The following FAM227B variants were observed in gnomAD, a reference collection of about 807,000 sequenced individuals.
The protein encoded by FAM227B is protein FAM227B.
A neutral mutation model predicts 73.8 loss-of-function variants in FAM227B; 88 were observed. That is an observed-to-expected ratio of 1.19 (90% CI 1.00 to 1.42). FAM227B has a LOEUF of 1.42. Among genes scored for constraint, FAM227B ranks in the 40% most tolerant of loss-of-function variants. FAM227B has a pLI of 0.00. For missense variants in FAM227B, 632 were observed against 590.9 expected (o/e 1.07, Z -0.72); for synonymous variants, 210 against 190.5 (o/e 1.10, Z -0.84).
chr15:49,376,388 A>C (rs2046164972), intron 11 of FAM227B, among the ~76,000 whole-genome samples: 2 of 152,108 alleles, frequency 1.3e-5, no homozygotes, highest in African/African-American at 4.8e-5. Context: ...TTCTTTTTAC[A>C]TTGAATGGTC....
At chr15:49,550,230 T>G (rs1184080101) in intron 9 of FAM227B, among the ~76,000 whole-genome samples, 7 of 121,690 alleles carry the variant, frequency 5.8e-5, no homozygotes, top group East Asian at 2.8e-4. Context: ...CCTCCCTCCC[T>G]GACGGGGCGG....
chr15:49,519,710 T>C lies in FAM227B; in HGVS notation c.875-11362A>G, dbSNP rs181225156. On this transcript the variant is annotated intron_variant, in intron 10 of 15. Transcript: ENST00000299338. ...CTGGACCCAGCCCACAAAACCACTT[T>C]TTCTTCCTAGGCCTCAGCTTGTGAT... is the stretch of plus-strand genomic sequence containing the variant. 2.9e-3 allele frequency among the ~76,000 whole-genome samples: 435 copies of C among 152,246 alleles called. 6 individuals are homozygous for C. Among genetic ancestry groups the C allele is most frequent in the South Asian group, 0.027 (128 of 4,818 alleles).
chr15:49,401,581 G>A (rs984130820), intron 11 of FAM227B, among the ~76,000 whole-genome samples: 59 of 141,366 alleles, frequency 4.2e-4, no homozygotes, highest in African/African-American at 1.5e-3. Flanking sequence ...ATTCACAATA[G>A]CAAAGACTTG....
At chr15:49,399,393 G>GTAGA (rs1305586128) in intron 11 of FAM227B, among the ~76,000 whole-genome samples, 1 of 150,326 alleles carries the variant, frequency 6.7e-6, no homozygotes, top group Non-Finnish European at 1.5e-5. Flanking sequence ...GGACCAGATG[G>GTAGA]ATTCACAGCC....
intron 13 of FAM227B, among the ~76,000 whole-genome samples, chr15:49,349,306 T>C (rs1245123177): frequency 6.6e-6 from 1 of 152,140 alleles, no homozygotes; most frequent in Non-Finnish European, 1.5e-5. Context: ...AAATTATTAA[T>C]TTCATTTTCA....
chr15:49,580,765 T>C (rs1480197952), intron 5 of FAM227B, among the ~76,000 whole-genome samples: 6 of 152,162 alleles, frequency 3.9e-5, no homozygotes, highest in Non-Finnish European at 8.8e-5. Flanking sequence ...AGCTGAAAGT[T>C]GAAATGATAA....
At chr15:49,569,401 T>G (rs1321774147) in intron 8 of FAM227B, among the ~76,000 whole-genome samples, 1 of 151,914 alleles carries the variant, frequency 6.6e-6, no homozygotes, top group Non-Finnish European at 1.5e-5. Context: ...CTTCCTTCTG[T>G]TAACTTAGGA....
intron 10 of FAM227B, among the ~76,000 whole-genome samples, chr15:49,532,713 T>C (rs1482266163): frequency 6.6e-6 from 1 of 151,930 alleles, no homozygotes; most frequent in Non-Finnish European, 1.5e-5. Context: ...AAAACCATTT[T>C]ATTGTTTAAT....
chr15:49,358,693 C>T (rs1449518281), intron 13 of FAM227B, among the ~76,000 whole-genome samples: 1 of 150,800 alleles, frequency 6.6e-6, no homozygotes, highest in Non-Finnish European at 1.5e-5. Context: ...ATGCCATCCC[C>T]ATCAAGCTAC....
At chr15:49,541,457 G>T (rs2071053812) in intron 10 of FAM227B, among the ~76,000 whole-genome samples, 1 of 152,022 alleles carries the variant, frequency 6.6e-6, no homozygotes, top group Non-Finnish European at 1.5e-5. Context: ...TAATTCCATT[G>T]ATTATAAGAT....
intron 13 of FAM227B, among the ~76,000 whole-genome samples, chr15:49,349,019 T>G (rs988927783): frequency 1.3e-5 from 2 of 152,198 alleles, no homozygotes; most frequent in Admixed American, 6.5e-5. Flanking sequence ...TAAAAAATGA[T>G]GTAACTCACT....
rs35131264 is a variant in FAM227B at position 49,510,960 on chromosome 15, G to GT, written c.875-2613dup. Among the ~76,000 whole-genome samples, 746 of 143,922 alleles carry GT rather than the reference G, an allele frequency of 5.2e-3. 2 individuals are homozygous for GT. Among genetic ancestry groups the GT allele is most frequent in the East Asian group, 0.019 (97 of 5,012 alleles). The allele number at this position is 143,922 out of a possible 152,430, so 94.4% of individuals were successfully genotyped here. A position where few individuals can be genotyped will look rare whatever the true frequency, so the allele number is the denominator to read the frequency against. ...TTCTTAATCTTTCTGTTCTCTGGAA[G>GT]TTTTTTTTTTTTAGCATTTTCTTTT... is the stretch of plus-strand genomic sequence containing the variant. On this transcript the variant is annotated intron_variant, in intron 10 of 15. Coordinates refer to ENST00000299338, the MANE Select transcript of FAM227B (RefSeq NM_152647.3).
intron 11 of FAM227B, among the ~76,000 whole-genome samples, chr15:49,500,581 CTAAAAT>C (rs1186455629): frequency 6.6e-6 from 1 of 152,070 alleles, no homozygotes; most frequent in Admixed American, 6.5e-5. Context: ...ACGAGAATAG[CTAAAAT>C]TAAAAAGACC....
At chr15:49,505,720 A>C (rs1309155074) in intron 11 of FAM227B, among the ~76,000 whole-genome samples, 1 of 152,080 alleles carries the variant, frequency 6.6e-6, no homozygotes, top group Non-Finnish European at 1.5e-5. Context: ...AACCAAAAGA[A>C]GACAGGGAAA....
At chr15:49,539,531 G>A (rs1205917820) in intron 10 of FAM227B, among the ~76,000 whole-genome samples, 2 of 152,194 alleles carry the variant, frequency 1.3e-5, no homozygotes, top group Admixed American at 6.5e-5. Context: ...TGCCTGTGGT[G>A]CAGGTCCCTC....
intron 11 of FAM227B, among the ~76,000 whole-genome samples, chr15:49,391,588 G>T (rs183553388): frequency 1.5e-4 from 23 of 152,136 alleles, no homozygotes; most frequent in Non-Finnish European, 2.9e-4. Flanking sequence ...TGACGGGCCT[G>T]GAGAGAGTAA....
intron 11 of FAM227B, among the ~76,000 whole-genome samples, chr15:49,405,097 G>C (rs531374625): frequency 2.0e-5 from 3 of 152,170 alleles, no homozygotes; most frequent in Admixed American, 2.0e-4. Flanking sequence ...CTTCTGGCTT[G>C]TAGGGTTTCT....
At chr15:49,439,320 G>A (rs1441335592) in intron 11 of FAM227B, among the ~76,000 whole-genome samples, 1 of 151,566 alleles carries the variant, frequency 6.6e-6, no homozygotes, top group Non-Finnish European at 1.5e-5. Flanking sequence ...GAGAGAAAGG[G>A]AGGCAGAGAG....
At chr15:49,514,609 A>G (rs1315866173) in intron 10 of FAM227B, among the ~76,000 whole-genome samples, 1 of 151,916 alleles carries the variant, frequency 6.6e-6, no homozygotes, top group Non-Finnish European at 1.5e-5. Flanking sequence ...GAGATGTTTG[A>G]TTTCTTTTCA....
Sources: gnomAD v4.1 joint callset for allele counts (sites outside exome capture counted in the v4.1 genomes callset) on GRCh38, gnomAD v4.1.1 for gene constraint, MANE v1.5 for transcripts, NCBI Gene and HGNC (gene_info 2026-07-23, HGNC 2026-07-21) for gene names.